KIRREL3: variants seen among roughly 807,000 people sequenced by gnomAD.
KIRREL3 encodes kin of IRRE-like protein 3.
Under a neutral mutation model 89.7 loss-of-function variants are expected in KIRREL3, and 36 were observed. The ratio of observed to expected loss-of-function variants is 0.40; its 90% CI spans 0.31 to 0.53. The LOEUF is 0.53. Ranked by LOEUF, KIRREL3 falls within the 20% of genes least tolerant of loss-of-function variation. The probability of loss-of-function intolerance (pLI) is 0.49; values close to 1 mark genes in which losing one functional copy is unlikely to be tolerated. For synonymous variants in KIRREL3, 445 were observed against 441.4 expected, an observed-to-expected ratio of 1.01 and a Z score of -0.10; for missense variants, 864 against 1,056.6, an observed-to-expected ratio of 0.82 and a Z score of 2.53.
intron 1 of KIRREL3, among the ~76,000 whole-genome samples, chr11:126,947,756 C>T (rs1013541132): frequency 6.6e-6 from 1 of 152,202 alleles, no homozygotes; most frequent in Admixed American, 6.5e-5. Context: ...CTAAAACAAT[C>T]TGGAAATGTT....
intron 1 of KIRREL3, among the ~76,000 whole-genome samples, chr11:126,859,973 T>C (rs776616842): frequency 6.6e-6 from 1 of 152,214 alleles, no homozygotes; most frequent in Non-Finnish European, 1.5e-5. Context: ...GTCTTCATCA[T>C]TTACTTCTTT....
intron 7 of KIRREL3, among the ~76,000 whole-genome samples, chr11:126,451,418 ATG>A (rs1317711538): frequency 1.5e-5 from 2 of 133,096 alleles, no homozygotes; most frequent in Admixed American, 7.6e-5. Flanking sequence ...ATGTGTGTGC[ATG>A]TGTGAGCGTG....
rs1294993875 is a variant in KIRREL3, at chr11:126,970,705, AT to A, written c.55+29749del. Among the ~76,000 whole-genome samples, 2 of 152,224 alleles carry A rather than the reference AT, an allele frequency of 1.3e-5. No homozygotes were observed. The highest frequency in any genetic ancestry group is 2.9e-5 in the Non-Finnish European group (2 of 68,032). Reference sequence around the variant, plus strand: ...ATATGTAAAATGATAAACATACAGCATTTCAACCACATCCCTAGTTAAGTAA... The same window carrying A: ...ATATGTAAAATGATAAACATACAGCATTCAACCACATCCCTAGTTAAGTAA... On this transcript the variant is annotated intron_variant, in intron 1 of 16. Coordinates refer to ENST00000525144, the MANE Select transcript of KIRREL3 (RefSeq NM_032531.4). The surrounding 1 kb of genome is among the most constrained non-coding windows in gnomAD (Gnocchi z 4.4).
At chr11:126,980,590 G>A (rs1182077237) in intron 1 of KIRREL3, among the ~76,000 whole-genome samples, 1 of 152,100 alleles carries the variant, frequency 6.6e-6, no homozygotes, top group Non-Finnish European at 1.5e-5. Context: ...AACATGAGTA[G>A]GGCAATGGAA....
chr11:126,819,330 G>T (rs1025451502), intron 1 of KIRREL3, among the ~76,000 whole-genome samples: 3 of 152,200 alleles, frequency 2.0e-5, no homozygotes, highest in African/African-American at 7.2e-5. Context: ...CCGCTCAGGG[G>T]AATGTGCAGA....
chr11:126,956,841 A>G (rs898214011), intron 1 of KIRREL3, among the ~76,000 whole-genome samples: 2 of 152,186 alleles, frequency 1.3e-5, no homozygotes, highest in African/African-American at 4.8e-5. Context: ...CCAAGGATCT[A>G]CAAGCACTTT....
In KIRREL3 at chr11:126,909,231, G is replaced by A. The variant is rs1332118955; in HGVS notation, c.55+91224C>T. Among the ~76,000 whole-genome samples, 1 of 152,064 alleles carries A rather than the reference G, an allele frequency of 6.6e-6. No individual in the cohort carries two copies. Among genetic ancestry groups the A allele is most frequent in the East Asian group, 1.9e-4 (1 of 5,170 alleles). ...GCAGGGAAGGAATGGGGTCGGAGAG[G>A]GAGGAGTTCATGGGAGGTGTGGCAC... is the stretch of plus-strand genomic sequence containing the variant. On this transcript the variant is annotated intron_variant, in intron 1 of 16. Transcript: ENST00000525144. This position sits in a 1 kb window ranked among gnomAD's most constrained non-coding sequence, Gnocchi z 4.5.
chr11:126,463,044 A>G lies in KIRREL3; in HGVS notation c.742+113T>C. On this transcript the variant is annotated intron_variant, in intron 6 of 16. Transcript: ENST00000525144. This position sits in a 1 kb window ranked among gnomAD's most constrained non-coding sequence, Gnocchi z 5.9. ...CGTATCTACAAGCTGGCCAATCCACAGAGCTGCCTGACCCATTTCCTGCTA... is the reference window on the plus strand; with the variant it reads ...CGTATCTACAAGCTGGCCAATCCACGGAGCTGCCTGACCCATTTCCTGCTA... The G allele has an allele frequency of 6.9e-6, 7 of 1,018,284 alleles. No individual in the cohort carries two copies. The highest frequency in any genetic ancestry group is 1.0e-5 in the Non-Finnish European group (7 of 685,806). 63.1% of individuals were successfully genotyped at this position (1,018,284 alleles called of 1,614,324 possible). A position where few individuals can be genotyped will look rare whatever the true frequency, so the allele number is the denominator to read the frequency against.
intron 1 of KIRREL3, among the ~76,000 whole-genome samples, chr11:126,681,556 A>T (rs1317640213): frequency 1.3e-5 from 2 of 151,984 alleles, no homozygotes; most frequent in African/African-American, 4.8e-5. Flanking sequence ...AGGACTTGGG[A>T]GCGGGGGCTG....
chr11:126,505,643 A>G (rs1408307660), intron 4 of KIRREL3, among the ~76,000 whole-genome samples: 1 of 152,164 alleles, frequency 6.6e-6, no homozygotes, highest in African/African-American at 2.4e-5. Context: ...ATATAGATAC[A>G]CCATCTATAT....
At position 126,609,863 on chromosome 11, in the gene KIRREL3, C is replaced by G. The variant is rs924966427; in HGVS notation, c.56-46951G>C. Among the ~76,000 whole-genome samples, 1 of 152,164 alleles carries G rather than the reference C, an allele frequency of 6.6e-6. No homozygotes were observed. Among genetic ancestry groups the G allele is most frequent in the African/African-American group, 2.4e-5 (1 of 41,420 alleles). ...TTTTTCTGTTGATTATGAACAACAG[C>G]AGCTAACATTAATAGAACCTGATGA... On this transcript the variant is annotated intron_variant, in intron 1 of 16. Coordinates refer to ENST00000525144, the MANE Select transcript of KIRREL3 (RefSeq NM_032531.4). The surrounding 1 kb of genome is among the most constrained non-coding windows in gnomAD (Gnocchi z 5.0).
chr11:126,899,566 C>T (rs898819375), intron 1 of KIRREL3, among the ~76,000 whole-genome samples: 12 of 152,210 alleles, frequency 7.9e-5, no homozygotes, highest in African/African-American at 2.4e-4. Flanking sequence ...GAAGGCAAAG[C>T]TTCCTCAAAT....
intron 10 of KIRREL3, 51 bp from the exon 11 acceptor site, chr11:126,440,600 T>C: frequency 6.7e-7 from 1 of 1,491,864 alleles, no homozygotes; most frequent in Non-Finnish European, 9.2e-7. Context: ...ACGTCCCTGC[T>C]GGCGCCCTCT....
chr11:126,676,891 C>T lies in KIRREL3; in HGVS notation c.56-113979G>A, dbSNP rs1166702102. ...CCTCGATCTCCCAGGCTCAAGCGGT[C>T]GTCCTGCCTAAACCTCCCGAGTAGC... is the stretch of plus-strand genomic sequence containing the variant. On this transcript the variant is annotated intron_variant, in intron 1 of 16. Transcript: ENST00000525144. This position sits in a 1 kb window ranked among gnomAD's most constrained non-coding sequence, Gnocchi z 4.5. Among the ~76,000 whole-genome samples the T allele has an allele frequency of 2.0e-5, 3 of 151,872 alleles. No individual in the cohort carries two copies. Among genetic ancestry groups the T allele is most frequent in the African/African-American group, 4.8e-5 (2 of 41,324 alleles).
In KIRREL3 at chr11:126,551,480, A is replaced by T. The variant is rs1418012385; in HGVS notation, c.133+11355T>A. The stretch of plus-strand genomic sequence containing the variant: ...ACCGTGGATGAAATCCCCCCACCCC[A>T]TGCGCCTCTATATAGAAACATGTCT... On this transcript the variant is annotated intron_variant, in intron 2 of 16. Coordinates refer to ENST00000525144, the MANE Select transcript of KIRREL3 (RefSeq NM_032531.4). The surrounding 1 kb of genome is among the most constrained non-coding windows in gnomAD (Gnocchi z 4.9). Among the ~76,000 whole-genome samples the T allele has an allele frequency of 6.6e-6, 1 of 152,002 alleles. No homozygotes were observed. Among genetic ancestry groups the T allele is most frequent in the Non-Finnish European group, 1.5e-5 (1 of 68,016 alleles).
rs1950117567 is a variant in KIRREL3, at chr11:126,994,260, G to T, written c.55+6195C>A. On this transcript the variant is annotated intron_variant, in intron 1 of 16. Coordinates refer to ENST00000525144, the MANE Select transcript of KIRREL3 (RefSeq NM_032531.4). The surrounding 1 kb of genome is among the most constrained non-coding windows in gnomAD (Gnocchi z 5.2). ...GGCGTGGGAAGGCTTCCAGATGCCAGGAAAAACCTGTCCAGGGGATGCAGG... is the reference window on the plus strand; with the variant it reads ...GGCGTGGGAAGGCTTCCAGATGCCATGAAAAACCTGTCCAGGGGATGCAGG... Among the ~76,000 whole-genome samples the T allele has an allele frequency of 6.6e-6, 1 of 152,156 alleles. No individual in the cohort carries two copies. Among genetic ancestry groups the T allele is most frequent in the Non-Finnish European group, 1.5e-5 (1 of 68,032 alleles).
Position 126,736,209 on chromosome 11 carries a change from G to A in KIRREL3, c.56-173297C>T, listed in dbSNP as rs993685188. ...TGGTTTACTTTCAATTGTAGTCACA[G>A]CAATAATAGCACCATTTATGGGGCC... On this transcript the variant is annotated intron_variant, in intron 1 of 16. Transcript: ENST00000525144. The surrounding 1 kb of genome is among the most constrained non-coding windows in gnomAD (Gnocchi z 5.0). 6.6e-6 allele frequency among the ~76,000 whole-genome samples: 1 copy of A among 152,214 alleles called. No individual in the cohort carries two copies. Among genetic ancestry groups the A allele is most frequent in the Admixed American group, 6.5e-5 (1 of 15,280 alleles).
intron 1 of KIRREL3, among the ~76,000 whole-genome samples, chr11:126,922,007 C>CTTCCT (rs749805009): frequency 1.4e-4 from 18 of 131,098 alleles, no homozygotes; most frequent in Non-Finnish European, 2.7e-4. Flanking sequence ...ATCTATCTAT[C>CTTCCT]ATCTATCTTC....
chr11:126,467,873 G>T (rs901973158), intron 5 of KIRREL3, among the ~76,000 whole-genome samples: 16 of 152,204 alleles, frequency 1.1e-4, no homozygotes, highest in African/African-American at 3.9e-4. Context: ...CCCTAAGCTG[G>T]GCAGATAGGT....
Sources: gnomAD v4.1 joint callset for allele counts (sites outside exome capture counted in the v4.1 genomes callset) on GRCh38, gnomAD v4.1.1 for gene constraint, Gnocchi (gnomAD v3.1) non-coding constraint, MANE v1.5 for transcripts, NCBI Gene and HGNC (gene_info 2026-07-23, HGNC 2026-07-21) for gene names.